Variants in PCCB observed in about 807,000 individuals in gnomAD.
PCCB encodes propionyl-CoA carboxylase beta chain, mitochondrial.
A neutral mutation model predicts 60.7 loss-of-function variants in PCCB; 43 were observed. That is an observed-to-expected ratio of 0.71 (90% CI 0.55 to 0.91). PCCB has a LOEUF of 0.91. Ranked by LOEUF, PCCB falls within the 40% of genes least tolerant of loss-of-function variation. The pLI is 0.00. For missense variants in PCCB, 766 were observed against 702.8 expected, an observed-to-expected ratio of 1.09 and a Z score of -1.02; for synonymous variants, 276 against 255.9, an observed-to-expected ratio of 1.08 and a Z score of -0.75.
Position 136,250,920 on chromosome 3 carries a change from C to A in PCCB, c.183+362C>A, listed in dbSNP as rs775042248. On this transcript the variant is annotated intron_variant, in intron 1 of 14. Coordinates refer to ENST00000251654, the MANE Select transcript of PCCB (RefSeq NM_000532.5). ...AGACCATAGATAGCAAAATGATAGG[C>A]GCTCAGTAAAAACCATGTGCTTATT... Among the ~76,000 whole-genome samples the A allele has an allele frequency of 2.7e-4, 41 of 152,244 alleles. 1 individual carries two copies. Among genetic ancestry groups the A allele is most frequent in the Middle Eastern group, 3.4e-3 (1 of 294 alleles).
Position 136,329,905 on chromosome 3 carries a change from G to C in PCCB, c.1499G>C (p.Gly500Ala). Reference protein sequence around the residue: ...FANPFPAAVRGFVDDIIQPSS... With the variant: ...FANPFPAAVRAFVDDIIQPSS... ...CACTCCCTTTTCTGTGCTTCACCAG[G>C]GTTTGTGGATGACATCATCCAACCT... Residue 500 changes from glycine (G) to alanine (A), a missense_variant and splice_region_variant, in exon 15 of 15, where the codon GGG becomes GCG. Gly to Ala is a moderately conservative substitution (Grantham distance 60, BLOSUM62 0). Coordinates refer to ENST00000251654, the MANE Select transcript of PCCB (RefSeq NM_000532.5). 1 of 1,614,106 alleles carries C rather than the reference G, an allele frequency of 6.2e-7. No individual in the cohort carries two copies. Among genetic ancestry groups the C allele is most frequent in the South Asian group, 1.1e-5 (1 of 91,070 alleles).
At chr3:136,281,449 T>C (rs1942472843) in intron 5 of PCCB, among the ~76,000 whole-genome samples, 1 of 151,990 alleles carries the variant, frequency 6.6e-6, no homozygotes, top group African/African-American at 2.4e-5. Context: ...GGCTTTCTGC[T>C]TGGTTCCTTT....
At chr3:136,262,338 T>C (rs1004010344) in intron 5 of PCCB, among the ~76,000 whole-genome samples, 1 of 152,220 alleles carries the variant, frequency 6.6e-6, no homozygotes, top group Non-Finnish European at 1.5e-5. Flanking sequence ...TGAAAATGTT[T>C]TTCTTTTTTT....
chr3:136,297,996 A>C lies in PCCB; in HGVS notation c.808A>C (p.Asn270His), dbSNP rs1265993334. ...AFENDVDALC[N>H]LRDFFNYLPL... is the part of the protein sequence containing the mutation. Reference sequence around the variant, plus strand: ...TGAAAATGATGTTGATGCCTTGTGTAATCTCCGGGATTTCTTCAACTACCT... The same window carrying C: ...TGAAAATGATGTTGATGCCTTGTGTCATCTCCGGGATTTCTTCAACTACCT... Residue 270 changes from asparagine to histidine, a missense_variant, in exon 8 of 15, where the codon AAT becomes CAT. Physicochemically the swap from Asn to His is moderately conservative, Grantham distance 68. Coordinates refer to ENST00000251654, the MANE Select transcript of PCCB (RefSeq NM_000532.5). The C allele has an allele frequency of 6.2e-7, 1 of 1,613,920 alleles. No individual in the cohort carries two copies. The highest frequency in any genetic ancestry group is 8.5e-7 in the Non-Finnish European group (1 of 1,179,954).
At chr3:136,260,590 TA>T in intron 4 of PCCB, 55 bp downstream of exon 4, 1 of 1,400,692 alleles carries the variant, frequency 7.1e-7, no homozygotes, top group Non-Finnish European at 1.0e-6. Context: ...ACATAGTGCT[TA>T]TTGAGTATCT....
intron 5 of PCCB, among the ~76,000 whole-genome samples, chr3:136,273,706 A>C (rs1450157598): frequency 1.4e-5 from 2 of 142,508 alleles, no homozygotes; most frequent in East Asian, 2.1e-4. Context: ...AGGTCAGGAG[A>C]TCGAGACCAT....
intron 5 of PCCB, among the ~76,000 whole-genome samples, chr3:136,266,924 C>G (rs911284481): frequency 3.9e-5 from 6 of 152,066 alleles, no homozygotes; most frequent in African/African-American, 1.4e-4. Flanking sequence ...ACCCTGTCCT[C>G]CAGGCTGGAG....
At chr3:136,305,619 T>C (rs1235321491) in intron 9 of PCCB, among the ~76,000 whole-genome samples, 1 of 115,194 alleles carries the variant, frequency 8.7e-6, no homozygotes, top group Non-Finnish European at 1.9e-5. Context: ...TGTGGTGGTG[T>C]GTCCCTGTAA....
At chr3:136,300,120 G>T (rs567669357) in intron 8 of PCCB, among the ~76,000 whole-genome samples, 1 of 151,056 alleles carries the variant, frequency 6.6e-6, no homozygotes, top group Middle Eastern at 3.2e-3. Flanking sequence ...ATATCTACAC[G>T]TGTATATATG....
chr3:136,290,915 C>T (rs991822229), intron 6 of PCCB, among the ~76,000 whole-genome samples: 8 of 151,176 alleles, frequency 5.3e-5, no homozygotes, highest in African/African-American at 7.3e-5. Context: ...TTTTTCTCTT[C>T]GCTTTTCAAT....
At chr3:136,329,008 T>G (rs1330501751) in intron 14 of PCCB, 151 bp downstream of exon 14, 5 of 717,734 alleles carry the variant, frequency 7.0e-6, no homozygotes, top group Non-Finnish European at 1.3e-5. Flanking sequence ...CAGTCATCAC[T>G]TGGACTAAGG....
chr3:136,283,776 T>G (rs1005203669), intron 5 of PCCB, 61 bp from the exon 6 acceptor site: 3 of 1,160,608 alleles, frequency 2.6e-6, no homozygotes, highest in African/African-American at 3.0e-5. Context: ...TCTTTATCTT[T>G]CCACAGATAA....
intron 10 of PCCB, among the ~76,000 whole-genome samples, chr3:136,322,998 GT>G (rs35582341): frequency 0.84 from 101,469 of 121,202 alleles, 43,258 homozygotes; most frequent in Non-Finnish European, 0.93. Flanking sequence ...TAAATGATGA[GT>G]TTTTTTTTTT....
chr3:136,277,270 C>T (rs1942352696), intron 5 of PCCB, among the ~76,000 whole-genome samples: 1 of 152,166 alleles, frequency 6.6e-6, no homozygotes, highest in African/African-American at 2.4e-5. Flanking sequence ...ATGATGATAG[C>T]TTAGGTCATG....
At chr3:136,293,542 A>AG (rs1933795564) in intron 6 of PCCB, among the ~76,000 whole-genome samples, 1 of 152,180 alleles carries the variant, frequency 6.6e-6, no homozygotes, top group Admixed American at 6.5e-5. Flanking sequence ...TTAACTTCTG[A>AG]GGTAGAACTG....
intron 9 of PCCB, among the ~76,000 whole-genome samples, chr3:136,314,920 A>G (rs904251878): frequency 2.6e-5 from 4 of 152,236 alleles, no homozygotes; most frequent in Admixed American, 6.5e-5. Context: ...TCATTAATGG[A>G]CAAATCAACA....
chr3:136,330,054 C>A lies in PCCB; in HGVS notation c.*28C>A. ...AAATCAAAGGAAAAGAAACCAAGAA[C>A]TGAATTACTGTCTGCCCATTCACAT... On this transcript the variant is annotated 3_prime_UTR_variant, in exon 15 of 15. Transcript: ENST00000251654. 6.2e-7 allele frequency: 1 copy of A among 1,613,732 alleles called. No homozygotes were observed. Among genetic ancestry groups the A allele is most frequent in the Non-Finnish European group, 8.5e-7 (1 of 1,179,764 alleles).
intron 2 of PCCB, 128 bp downstream of exon 2, chr3:136,256,103 C>T: frequency 3.6e-6 from 5 of 1,386,742 alleles, no homozygotes; most frequent in South Asian, 1.2e-5. Context: ...ACATCAAGCC[C>T]AGATAATTTT....
At chr3:136,311,713 A>C (rs554484488) in intron 9 of PCCB, among the ~76,000 whole-genome samples, 18 of 152,250 alleles carry the variant, frequency 1.2e-4, no homozygotes, top group Non-Finnish European at 2.5e-4. Context: ...TAATCCCAGC[A>C]CTTTAGGAAG....
Sources: allele counts gnomAD v4.1 joint callset (sites outside exome capture counted in the v4.1 genomes callset), GRCh38; gene constraint gnomAD v4.1.1; transcripts MANE v1.5; gene names NCBI Gene and HGNC (gene_info 2026-07-23, HGNC 2026-07-21).